APLP2: variants seen among roughly 807,000 people sequenced by gnomAD.
APLP2 encodes the protein amyloid beta precursor like protein 2, also known as CDEI box-binding protein.
APLP2 carries 53 observed loss-of-function variants against 89.9 expected under a neutral mutation model. The ratio of observed to expected loss-of-function variants is 0.59; its 90% CI spans 0.47 to 0.74. The LOEUF is 0.74. Ranked by LOEUF, APLP2 falls within the 30% of genes least tolerant of loss-of-function variation. The pLI, the probability that APLP2 is intolerant of heterozygous loss-of-function variation, is 0.00. For synonymous variants in APLP2, 372 were observed against 348.6 expected (o/e 1.07, Z -0.75); for missense variants, 973 against 975.9 (o/e 1.00, Z 0.04).
At chr11:130,086,497 G>A (rs1470493616) in intron 1 of APLP2, among the ~76,000 whole-genome samples, 1 of 152,138 alleles carries the variant, frequency 6.6e-6, no homozygotes, top group African/African-American at 2.4e-5. Flanking sequence ...AGTGTCCTTT[G>A]ATGCACAAAA....
At chr11:130,112,135 C>T (rs1026966365) in intron 3 of APLP2, among the ~76,000 whole-genome samples, 4 of 152,176 alleles carry the variant, frequency 2.6e-5, no homozygotes, top group Non-Finnish European at 4.4e-5. Context: ...TGCGCCGAGG[C>T]ACCTCGGGGC....
In APLP2 at chr11:130,123,787, C is replaced by T. The variant is rs369478296; in HGVS notation, c.1090+8C>T. On this transcript the variant is annotated splice_region_variant and intron_variant, in intron 7 of 16. Transcript: ENST00000338167. This position sits in a 1 kb window ranked among gnomAD's most constrained non-coding sequence, Gnocchi z 4.0. ...CTGTGTGTAAAGCGATGAGTAAGTC[C>T]TGCCTCGCGCTGGTCCCGTGCGGCA... The T allele has an allele frequency of 9.3e-5, 150 of 1,613,236 alleles. No individual in the cohort carries two copies. The highest frequency in any genetic ancestry group is 1.2e-4 in the Non-Finnish European group (147 of 1,179,506).
At chr11:130,083,053 T>G (rs959060223) in intron 1 of APLP2, among the ~76,000 whole-genome samples, 2 of 130,342 alleles carry the variant, frequency 1.5e-5, no homozygotes, top group African/African-American at 3.8e-5. Flanking sequence ...TTTTTTTTTT[T>G]GAGACACGGT....
chr11:130,093,225 A>C (rs1017233238), intron 1 of APLP2, among the ~76,000 whole-genome samples: 1 of 152,216 alleles, frequency 6.6e-6, no homozygotes, highest in Non-Finnish European at 1.5e-5. Flanking sequence ...AGAAACTTCC[A>C]ACCATCTTCT....
chr11:130,127,535 CT>C lies in APLP2; in HGVS notation c.1222-229del, dbSNP rs560860775. 2.6e-5 allele frequency among the ~76,000 whole-genome samples: 4 copies of C among 152,168 alleles called. No homozygotes were observed. In the East Asian group the frequency reaches 7.7e-4, roughly 29 times the overall value. On this transcript the variant is annotated intron_variant, in intron 8 of 16. Transcript: ENST00000338167. ...CTAAGGCACAGAGACTTTTAAATAA[CT>C]TACTCAAGGTTATGTAACAAAGAGG...
chr11:130,092,666 G>C (rs1945547468), intron 1 of APLP2, among the ~76,000 whole-genome samples: 1 of 130,124 alleles, frequency 7.7e-6, no homozygotes. Context: ...CAGCAGTACA[G>C]TCCAGCTTCA....
chr11:130,110,651 C>G lies in APLP2; in HGVS notation c.393C>G (p.Phe131Leu), dbSNP rs776469245. ...GCAAGAGTCGCTTTGTTACACCTTT[C>G]AAGTGTCTCGGTGAGTGTTCTTGGT... ...KQCKSRFVTP[F>L]KCLVGEFVSD... The change falls in exon 3 of 17, where the codon TTC becomes TTG. Residue 131 changes from phenylalanine (F) to leucine (L), a missense_variant. Phe to Leu is a conservative substitution (Grantham distance 22). Transcript: ENST00000338167. 1.2e-6 allele frequency: 2 copies of G among 1,611,328 alleles called. No individual in the cohort carries two copies. The highest frequency in any genetic ancestry group is 1.7e-6 in the Non-Finnish European group (2 of 1,178,832).
chr11:130,070,263 G>A (rs1591743949), intron 1 of APLP2, among the ~76,000 whole-genome samples, 181 bp downstream of exon 1: 2 of 151,196 alleles, frequency 1.3e-5, no homozygotes, highest in East Asian at 3.9e-4. Flanking sequence ...GCTTAGCGCT[G>A]GAGGTCGGGC....
At chr11:130,091,479 T>G (rs1173031432) in intron 1 of APLP2, among the ~76,000 whole-genome samples, 495 of 125,080 alleles carry the variant, frequency 4.0e-3, no homozygotes, top group African/African-American at 0.011. Context: ...ACGGGGCGGC[T>G]GGCCGGGCGG....
intron 1 of APLP2, among the ~76,000 whole-genome samples, chr11:130,091,122 G>A (rs1945009634): frequency 7.7e-6 from 1 of 129,562 alleles, no homozygotes; most frequent in Non-Finnish European, 1.7e-5. Flanking sequence ...CGGACGGGGC[G>A]GCTGGCCGGG....
intron 1 of APLP2, among the ~76,000 whole-genome samples, chr11:130,095,467 T>C (rs1274389683): frequency 1.3e-5 from 2 of 152,166 alleles, no homozygotes; most frequent in South Asian, 2.1e-4. Flanking sequence ...ATTAAAAACA[T>C]TGGAGGATAA....
At chr11:130,076,911 C>T (rs1236886365) in intron 1 of APLP2, among the ~76,000 whole-genome samples, 3 of 152,212 alleles carry the variant, frequency 2.0e-5, no homozygotes, top group Non-Finnish European at 4.4e-5. Flanking sequence ...ACTGCCTCCA[C>T]AGGCTTTGAC....
At position 130,092,723 on chromosome 11, in the gene APLP2, G is replaced by A. The variant is rs73583471; in HGVS notation, c.106-16706G>A. Among the ~76,000 whole-genome samples, 114 of 119,296 alleles carry A rather than the reference G, an allele frequency of 9.6e-4. 1 individual carries two copies. The highest frequency in any genetic ancestry group is 3.2e-3 in the African/African-American group (87 of 26,794). 78.3% of individuals were successfully genotyped at this position (119,296 alleles called of 152,430 possible). A position where few individuals can be genotyped will look rare whatever the true frequency, so the allele number is the denominator to read the frequency against. Reference sequence around the variant, plus strand: ...GTGGGGGGAGGGAGGGGGAGGGGGAGGGAGAGGGAGCTCTGTCTTGATGAT... The same window carrying A: ...GTGGGGGGAGGGAGGGGGAGGGGGAAGGAGAGGGAGCTCTGTCTTGATGAT... On this transcript the variant is annotated intron_variant, in intron 1 of 16. Transcript: ENST00000338167.
intron 1 of APLP2, among the ~76,000 whole-genome samples, chr11:130,075,156 A>G (rs1482603541): frequency 1.3e-5 from 2 of 151,968 alleles, no homozygotes; most frequent in Non-Finnish European, 2.9e-5. Context: ...CTTTATTTTT[A>G]TTTTTTATTT....
At position 130,123,508 on chromosome 11, in the gene APLP2, T is replaced by C; in HGVS notation, c.923-104T>C. 1 of 1,293,740 alleles carries C rather than the reference T, an allele frequency of 7.7e-7. No individual in the cohort carries two copies. Among genetic ancestry groups the C allele is most frequent in the Non-Finnish European group, 1.1e-6 (1 of 947,676 alleles). 80.1% of individuals were successfully genotyped at this position (1,293,740 alleles called of 1,614,324 possible). On this transcript the variant is annotated intron_variant, in intron 6 of 16. Coordinates refer to ENST00000338167, the MANE Select transcript of APLP2 (RefSeq NM_001142276.2). The surrounding 1 kb of genome is among the most constrained non-coding windows in gnomAD (Gnocchi z 4.0). The stretch of plus-strand genomic sequence containing the variant: ...CCGGGCCTCCAGGCTCCGTCCAGTC[T>C]CAGGCCTCCCCCAGCCCATCCCCCA...
At position 130,135,664 on chromosome 11, in the gene APLP2, A is replaced by G; in HGVS notation, c.1786A>G (p.Ile596Val). ...VRVSSEESEE[I>V]PPFHPFHPFP... ...GGTGAGCTCTGAGGAGAGTGAGGAGATCCCACCGTTCCACCCCTTCCACCC... is the reference window on the plus strand; with the variant it reads ...GGTGAGCTCTGAGGAGAGTGAGGAGGTCCCACCGTTCCACCCCTTCCACCC... The change falls in exon 13 of 17, where the codon ATC (isoleucine) becomes GTC (valine). Residue 596 changes from isoleucine (I) to valine (V), a missense_variant. Coordinates refer to ENST00000338167, the MANE Select transcript of APLP2 (RefSeq NM_001142276.2). 6.2e-7 allele frequency: 1 copy of G among 1,614,082 alleles called. No homozygotes were observed. Among genetic ancestry groups the G allele is most frequent in the Non-Finnish European group, 8.5e-7 (1 of 1,179,988 alleles).
At position 130,083,026 on chromosome 11, in the gene APLP2, C is replaced by CTTTTTTTTT. The variant is rs553962550; in HGVS notation, c.105+12963_105+12971dup. On this transcript the variant is annotated intron_variant, in intron 1 of 16. Coordinates refer to ENST00000338167, the MANE Select transcript of APLP2 (RefSeq NM_001142276.2). ...TATTAACCACTGAAACTTTTCTTTTCTTTTTTTTTTTTTTTTTTTTTTTTT... is the reference window on the plus strand; with the variant it reads ...TATTAACCACTGAAACTTTTCTTTTCTTTTTTTTTTTTTTTTTTTTTTTTTTTTTTTTTT... Among the ~76,000 whole-genome samples, 87 of 72,512 alleles carry CTTTTTTTTT rather than the reference C, an allele frequency of 1.2e-3. 4 individuals are homozygous for CTTTTTTTTT. Among genetic ancestry groups the CTTTTTTTTT allele is most frequent in the East Asian group, 4.7e-3 (10 of 2,116 alleles). 47.6% of individuals were successfully genotyped at this position (72,512 alleles called of 152,430 possible).
At chr11:130,121,459 T>C (rs1949808066) in intron 4 of APLP2, among the ~76,000 whole-genome samples, 155 bp from the exon 5 acceptor site, 2 of 151,198 alleles carry the variant, frequency 1.3e-5, no homozygotes, top group South Asian at 4.1e-4. Flanking sequence ...AATAATATTA[T>C]TACAATTTTT....
Position 130,070,049 on chromosome 11 carries a change from G to T in APLP2, c.72G>T (p.Thr24=). Residue 24 remains threonine (T), a synonymous_variant, in exon 1 of 17, where the codon ACG becomes ACT. Transcript: ENST00000338167. ...RLLLLLLVGL[T]APALALAGYI... ...TGCTTCTGCTGCTGGTGGGGCTCACGGCGCCTGCCTTGGCGCTGGCCGGCT... is the reference window on the plus strand; with the variant it reads ...TGCTTCTGCTGCTGGTGGGGCTCACTGCGCCTGCCTTGGCGCTGGCCGGCT... The T allele has an allele frequency of 6.6e-7, 1 of 1,505,446 alleles. No individual in the cohort carries two copies. The allele number at this position is 1,505,446 out of a possible 1,614,324, so 93.3% of individuals were successfully genotyped here.
Sources: gnomAD v4.1 joint callset for allele counts (sites outside exome capture counted in the v4.1 genomes callset) on GRCh38, gnomAD v4.1.1 for gene constraint, Gnocchi (gnomAD v3.1) non-coding constraint, MANE v1.5 for transcripts, NCBI Gene and HGNC (gene_info 2026-07-23, HGNC 2026-07-21) for gene names.